FSD2: variants seen among roughly 807,000 people sequenced by gnomAD.
The protein encoded by FSD2 is fibronectin type III and SPRY domain containing 2.
In FSD2, 71 loss-of-function variants were observed where a neutral mutation model predicts 80.4. The observed-to-expected ratio is 0.88, with a 90% CI of 0.73 to 1.08. The LOEUF (loss-of-function observed/expected upper bound fraction) is 1.08, where lower values mean the gene tolerates loss of function less well. Ranked by LOEUF, FSD2 falls within the 50% of genes least tolerant of loss-of-function variation. The pLI is 0.00. For missense variants in FSD2, 923 were observed against 913.8 expected (o/e 1.01, Z -0.13); for synonymous variants, 361 against 329.5 (o/e 1.10, Z -1.03).
chr15:82,759,372 C>T lies in FSD2; in HGVS notation c.2226G>A (p.Met742Ile). 4 of 1,613,286 alleles carry T rather than the reference C, an allele frequency of 2.5e-6. No homozygotes were observed. The highest frequency in any genetic ancestry group is 4.5e-5 in the East Asian group (2 of 44,888). ...TCTAATAGAAAGTGACATGTTTTGGCATTGAAATGCCATTATGTACCTTTA... is the reference window on the plus strand; with the variant it reads ...TCTAATAGAAAGTGACATGTTTTGGTATTGAAATGCCATTATGTACCTTTA... ...GCLKVHNGIS[M>I]PKHVTFY Residue 742 changes from methionine (M) to isoleucine (I), a missense_variant, in exon 13 of 13, where the codon ATG (methionine) becomes ATA (isoleucine). Met to Ile is a conservative substitution (Grantham distance 10). Coordinates refer to ENST00000334574, the MANE Select transcript of FSD2 (RefSeq NM_001007122.4).
chr15:82,796,076 C>T (rs377125489), intron 1 of FSD2, among the ~76,000 whole-genome samples: 2 of 146,910 alleles, frequency 1.4e-5, no homozygotes, highest in East Asian at 4.1e-4. Context: ...GATCTCTGCT[C>T]ACTCAACCAC....
chr15:82,788,672 C>T (rs4260027), intron 1 of FSD2, among the ~76,000 whole-genome samples: 68,423 of 151,832 alleles, frequency 0.45, 15,383 homozygotes, highest in Admixed American at 0.49. Context: ...ACTGGCCCCA[C>T]TTTTCTGAAG....
rs1009805643 is a variant in FSD2, at chr15:82,759,650, C to A, written c.1998-50G>T. ...AAGTTTCAGTAATTCTATAGATTGA[C>A]TATTTATAGAACATTTCATACTAAT... On this transcript the variant is annotated intron_variant, in intron 12 of 12. Transcript: ENST00000334574. 3.6e-6 allele frequency: 5 copies of A among 1,405,802 alleles called. No individual in the cohort carries two copies. The East Asian group carries it at 1.2e-4, about 35-fold the overall frequency. The allele number at this position is 1,405,802 out of a possible 1,614,324, so 87.1% of individuals were successfully genotyped here.
chr15:82,771,960 T>C, intron 7 of FSD2, 113 bp downstream of exon 7: 1 of 1,122,404 alleles, frequency 8.9e-7, no homozygotes, highest in Non-Finnish European at 1.2e-6. Flanking sequence ...ATCCTCTGCA[T>C]GTCTAGACCC....
chr15:82,778,810 A>G lies in FSD2; in HGVS notation c.1067T>C (p.Phe356Ser). 6.2e-7 allele frequency: 1 copy of G among 1,613,904 alleles called. No individual in the cohort carries two copies. The highest frequency in any genetic ancestry group is 8.5e-7 in the Non-Finnish European group (1 of 1,179,848). ...GCCCATCAGCTGCTCCACATCAGAG[A>G]AATCCAAGGTCTGGTCTTCAAACTC... ...QPEFEDQTLD[F>S]SDVEQLMGSI... Residue 356 changes from phenylalanine (F) to serine (S), a missense_variant, in exon 6 of 13, where the codon TTC (phenylalanine) becomes TCC (serine). Coordinates refer to ENST00000334574, the MANE Select transcript of FSD2 (RefSeq NM_001007122.4).
chr15:82,802,994 C>T (rs771136656), intron 1 of FSD2, among the ~76,000 whole-genome samples: 2 of 152,114 alleles, frequency 1.3e-5, no homozygotes, highest in Non-Finnish European at 2.9e-5. Flanking sequence ...TTCAAGAGAA[C>T]AGGATTGGGC....
At chr15:82,777,867 G>A (rs868065399) in intron 6 of FSD2, among the ~76,000 whole-genome samples, 4 of 150,158 alleles carry the variant, frequency 2.7e-5, no homozygotes, top group African/African-American at 7.4e-5. Context: ...AAAAAAAAAG[G>A]TGAAAGGTAA....
chr15:82,786,717 A>G, intron 2 of FSD2, 35 bp downstream of exon 2: 1 of 1,609,940 alleles, frequency 6.2e-7, no homozygotes, highest in Non-Finnish European at 8.5e-7. Flanking sequence ...CCAAAGCAAT[A>G]TCAAGACAGA....
chr15:82,786,444 C>T, intron 3 of FSD2, 67 bp downstream of exon 3: 1 of 1,187,456 alleles, frequency 8.4e-7, no homozygotes, highest in South Asian at 1.3e-5. Context: ...ATACCAGAAA[C>T]AGCTGCTTGA....
intron 3 of FSD2, among the ~76,000 whole-genome samples, chr15:82,784,405 C>A (rs907795175): frequency 6.6e-6 from 1 of 151,912 alleles, no homozygotes; most frequent in Non-Finnish European, 1.5e-5. Context: ...CCACCAAGCC[C>A]AACTAATTTT....
intron 4 of FSD2, among the ~76,000 whole-genome samples, chr15:82,782,362 T>C (rs1172902319): frequency 5.9e-5 from 9 of 152,140 alleles, no homozygotes; most frequent in Non-Finnish European, 1.5e-5. Flanking sequence ...ATCGCGCCAC[T>C]GCACTCCAGC....
rs1037206651 is a variant in FSD2 at position 82,805,966 on chromosome 15, C to T, written c.-79G>A. The T allele has an allele frequency of 1.2e-4, 19 of 152,220 alleles. No individual in the cohort carries two copies. Among genetic ancestry groups the T allele is most frequent in the African/African-American group, 4.6e-4 (19 of 41,456 alleles). 9.4% of individuals were successfully genotyped at this position (152,220 alleles called of 1,614,324 possible). A position where few individuals can be genotyped will look rare whatever the true frequency, so the allele number is the denominator to read the frequency against. On this transcript the variant is annotated splice_region_variant and 5_prime_UTR_variant, in exon 1 of 13. Coordinates refer to ENST00000334574, the MANE Select transcript of FSD2 (RefSeq NM_001007122.4). ...AGAATATGACTACCCCAAAACTTGC[C>T]TGCTAAGCGTCCATAAATGCTTCCT... is the stretch of plus-strand genomic sequence containing the variant.
intron 6 of FSD2, among the ~76,000 whole-genome samples, chr15:82,778,151 TATATATA>T (rs905772415): frequency 8.6e-5 from 12 of 138,790 alleles, no homozygotes; most frequent in African/African-American, 3.4e-4. Context: ...TATATATATA[TATATATA>T]ATAACTATTA....
At position 82,756,178 on chromosome 15, in the gene FSD2, T is replaced by C. The variant is rs2049173612; in HGVS notation, c.*3170A>G. The C allele has an allele frequency of 3.3e-6, 1 of 303,380 alleles. No individual in the cohort carries two copies. The highest frequency in any genetic ancestry group is 2.2e-5 in the African/African-American group (1 of 46,416). 18.8% of individuals were successfully genotyped at this position (303,380 alleles called of 1,614,324 possible). On this transcript the variant is annotated 3_prime_UTR_variant, in exon 13 of 13. Transcript: ENST00000334574. Reference sequence around the variant, plus strand: ...ACATGTGAGAATCTTGCTCTACTAATTGATAGGAAGGTGACTAGAAATTGG... The same window carrying C: ...ACATGTGAGAATCTTGCTCTACTAACTGATAGGAAGGTGACTAGAAATTGG...
intron 10 of FSD2, among the ~76,000 whole-genome samples, chr15:82,765,660 A>G (rs1409394304): frequency 1.3e-5 from 2 of 152,138 alleles, no homozygotes; most frequent in East Asian, 3.9e-4. Context: ...ATGCCTGTGT[A>G]TGGATAAGAA....
chr15:82,791,198 C>T (rs1168584172), intron 1 of FSD2, among the ~76,000 whole-genome samples: 1 of 151,452 alleles, frequency 6.6e-6, no homozygotes, highest in African/African-American at 2.4e-5. Flanking sequence ...TGGGGTTTCA[C>T]CGTGTTAGCC....
At chr15:82,791,442 C>T (rs1231007077) in intron 1 of FSD2, among the ~76,000 whole-genome samples, 1 of 152,108 alleles carries the variant, frequency 6.6e-6, no homozygotes, top group African/African-American at 2.4e-5. Context: ...ACCATCTTGG[C>T]TCACTGCAAC....
At chr15:82,763,528 C>T (rs560180404) in intron 11 of FSD2, among the ~76,000 whole-genome samples, 2 of 152,252 alleles carry the variant, frequency 1.3e-5, no homozygotes, top group Non-Finnish European at 2.9e-5. Context: ...ATATGATAGT[C>T]CCTGACTCAT....
At chr15:82,783,385 C>T (rs2049918444) in intron 3 of FSD2, among the ~76,000 whole-genome samples, 1 of 152,216 alleles carries the variant, frequency 6.6e-6, no homozygotes, top group South Asian at 2.1e-4. Context: ...AGGCAAGAGC[C>T]ACCACGCCCA....
Sources: gnomAD v4.1 joint callset for allele counts (sites outside exome capture counted in the v4.1 genomes callset) on GRCh38, gnomAD v4.1.1 for gene constraint, MANE v1.5 for transcripts, NCBI Gene and HGNC (gene_info 2026-07-23, HGNC 2026-07-21) for gene names.